The following CHN2 variants were observed in gnomAD, a reference collection of about 807,000 sequenced individuals.
CHN2 encodes the protein chimerin 2.
CHN2 carries 35 observed loss-of-function variants against 56.3 expected under a neutral mutation model. The observed-to-expected ratio is 0.62, with a 90% CI of 0.47 to 0.82. CHN2 has a LOEUF of 0.82. Ranked by LOEUF, CHN2 falls within the 40% of genes least tolerant of loss-of-function variation. CHN2 has a pLI of 0.00. For synonymous variants in CHN2, 210 were observed against 212.8 expected (o/e 0.99, Z 0.12); for missense variants, 491 against 580.5 (o/e 0.85, Z 1.58).
chr7:29,338,779 C>T (rs1796817513), intron 1 of CHN2, among the ~76,000 whole-genome samples: 1 of 152,126 alleles, frequency 6.6e-6, no homozygotes, highest in African/African-American at 2.4e-5. Flanking sequence ...AGGGTTTCAC[C>T]ACGTTGGCCA....
At chr7:29,450,099 A>C (rs1430899050) in intron 6 of CHN2, among the ~76,000 whole-genome samples, 1 of 152,338 alleles carries the variant, frequency 6.6e-6, no homozygotes, top group Non-Finnish European at 1.5e-5. Context: ...GAAGGCAAAC[A>C]GAAAGGTTAG....
intron 1 of CHN2, among the ~76,000 whole-genome samples, chr7:29,263,938 C>T (rs1443866638): frequency 6.6e-6 from 1 of 150,798 alleles, no homozygotes; most frequent in African/African-American, 2.4e-5. Flanking sequence ...TGGGGGGCAG[C>T]CCCCGCCCGG....
At chr7:29,289,490 G>T (rs1792413071) in intron 1 of CHN2, among the ~76,000 whole-genome samples, 1 of 152,178 alleles carries the variant, frequency 6.6e-6, no homozygotes, top group African/African-American at 2.4e-5. Context: ...AAGCCGACGG[G>T]AGAGGGAGGC....
chr7:29,487,908 C>A (rs765862046), intron 7 of CHN2, among the ~76,000 whole-genome samples: 3 of 152,156 alleles, frequency 2.0e-5, no homozygotes, highest in African/African-American at 7.2e-5. Flanking sequence ...GGGAGCCACT[C>A]GAGGTTTTTG....
chr7:29,425,113 T>C (rs1479379033), intron 6 of CHN2, among the ~76,000 whole-genome samples: 1 of 152,232 alleles, frequency 6.6e-6, no homozygotes, highest in Non-Finnish European at 1.5e-5. Flanking sequence ...TTGGTGTTGA[T>C]TGAGAGATCT....
intron 9 of CHN2, 61 bp downstream of exon 9, chr7:29,500,101 C>A: frequency 7.5e-7 from 1 of 1,326,956 alleles, no homozygotes. Context: ...TTTGTTTTTA[C>A]TGTTGTCAAG....
chr7:29,476,852 A>G lies in CHN2; in HGVS notation c.577-3427A>G, dbSNP rs532218515. The stretch of plus-strand genomic sequence containing the variant: ...AAAAGATTATCTGGCCCAAAAGACC[A>G]TTCGTTCCAGTGAGAATCCCTGGTT... On this transcript the variant is annotated intron_variant, in intron 6 of 12. Coordinates refer to ENST00000222792, the MANE Select transcript of CHN2 (RefSeq NM_004067.4). 2.1e-3 allele frequency among the ~76,000 whole-genome samples: 314 copies of G among 152,304 alleles called. 1 individual carries two copies. The highest frequency in any genetic ancestry group is 7.1e-3 in the African/African-American group (295 of 41,558).
intron 5 of CHN2, among the ~76,000 whole-genome samples, chr7:29,398,761 ATTTTTTTT>A (rs61569425): frequency 8.3e-6 from 1 of 120,322 alleles, no homozygotes; most frequent in Non-Finnish European, 1.8e-5. Flanking sequence ...TGACTGGCTA[ATTTTTTTT>A]TTTTTTTTTT....
intron 1 of CHN2, among the ~76,000 whole-genome samples, chr7:29,326,152 GTTTGT>G (rs1333999520): frequency 3.0e-5 from 4 of 133,422 alleles, no homozygotes. Context: ...TTGTTTGTTT[GTTTGT>G]TTTGTTGTTG....
chr7:29,150,851 C>T (rs1392729171), intron 2 of CHN2, among the ~76,000 whole-genome samples: 1 of 152,156 alleles, frequency 6.6e-6, no homozygotes, highest in East Asian at 1.9e-4. Flanking sequence ...AATGTCACAG[C>T]CCCCATGCAC....
At chr7:29,363,377 C>T (rs899852837) in intron 2 of CHN2, among the ~76,000 whole-genome samples, 4 of 152,122 alleles carry the variant, frequency 2.6e-5, no homozygotes, top group Admixed American at 6.6e-5. Flanking sequence ...CCCAGCTACT[C>T]GGGAGGCTGA....
At chr7:29,321,453 G>A (rs1000106641) in intron 1 of CHN2, among the ~76,000 whole-genome samples, 1 of 152,072 alleles carries the variant, frequency 6.6e-6, no homozygotes, top group African/African-American at 2.4e-5. Flanking sequence ...CAGAGCAGGT[G>A]ACCCACTTGC....
intron 1 of CHN2, among the ~76,000 whole-genome samples, chr7:29,220,679 A>C (rs1785724469): frequency 6.6e-6 from 1 of 152,192 alleles, no homozygotes; most frequent in African/African-American, 2.4e-5. Flanking sequence ...CCTAAATTTA[A>C]TTTCAGACCA....
At chr7:29,378,692 G>A (rs999262509) in intron 3 of CHN2, among the ~76,000 whole-genome samples, 5 of 152,324 alleles carry the variant, frequency 3.3e-5, no homozygotes, top group African/African-American at 7.2e-5. Flanking sequence ...TAGGCCACGC[G>A]CGGTGGCTCA....
intron 2 of CHN2, among the ~76,000 whole-genome samples, chr7:29,361,523 G>A (rs1320617227): frequency 6.6e-6 from 1 of 152,164 alleles, no homozygotes; most frequent in East Asian, 1.9e-4. Context: ...AAATAATGAT[G>A]TCTACTGCCG....
At chr7:29,481,074 C>A (rs1270408287) in intron 7 of CHN2, among the ~76,000 whole-genome samples, 1 of 152,178 alleles carries the variant, frequency 6.6e-6, no homozygotes, top group East Asian at 1.9e-4. Context: ...GGCCTGTTTC[C>A]TTTGCCCAAG....
intron 6 of CHN2, among the ~76,000 whole-genome samples, chr7:29,404,707 A>G (rs1802488884): frequency 6.6e-6 from 1 of 152,108 alleles, no homozygotes; most frequent in East Asian, 1.9e-4. Flanking sequence ...AAATATTTTT[A>G]TTGATTTTTA....
intron 6 of CHN2, among the ~76,000 whole-genome samples, chr7:29,433,493 A>T (rs1288532619): frequency 6.6e-6 from 1 of 152,166 alleles, no homozygotes; most frequent in Non-Finnish European, 1.5e-5. Flanking sequence ...TACAGGAATA[A>T]ACCAGAAGTG....
chr7:29,193,769 T>G (rs531823175), upstream of CHN2: 1 of 152,348 alleles, frequency 6.6e-6, no homozygotes, highest in South Asian at 2.1e-4. Flanking sequence ...TGCCAAGTCT[T>G]AAGTCTTTTG....
Sources: gnomAD v4.1 joint callset for allele counts (sites outside exome capture counted in the v4.1 genomes callset) on GRCh38, gnomAD v4.1.1 for gene constraint, MANE v1.5 for transcripts, NCBI Gene and HGNC (gene_info 2026-07-23, HGNC 2026-07-21) for gene names.